The following ZMYND11 variants were observed in gnomAD, a reference collection of about 807,000 sequenced individuals.
ZMYND11 encodes the protein zinc finger MYND-type containing 11.
ZMYND11 carries 9 observed loss-of-function variants against 84.9 expected under a neutral mutation model. That is an observed-to-expected ratio of 0.11 (90% CI 0.06 to 0.18). The LOEUF (loss-of-function observed/expected upper bound fraction) is 0.18, where lower values mean the gene tolerates loss of function less well. ZMYND11 is among the 10% of genes least tolerant of loss of function. ZMYND11 has a pLI of 1.00. For missense variants in ZMYND11, 409 were observed against 761.0 expected, an observed-to-expected ratio of 0.54 and a Z score of 5.44; for synonymous variants, 250 against 244.1, an observed-to-expected ratio of 1.02 and a Z score of -0.23.
intron 2 of ZMYND11, among the ~76,000 whole-genome samples, chr10:207,491 C>T (rs1471515862): frequency 1.3e-5 from 2 of 152,200 alleles, no homozygotes; most frequent in South Asian, 2.1e-4. Flanking sequence ...CACATCCTCT[C>T]CAGCACCTGT....
At chr10:151,230 G>T (rs1840274596) in intron 1 of ZMYND11, among the ~76,000 whole-genome samples, 1 of 152,188 alleles carries the variant, frequency 6.6e-6, no homozygotes, top group Non-Finnish European at 1.5e-5. Flanking sequence ...ACTTTCACGA[G>T]TTGAGAGAAG....
intron 1 of ZMYND11, among the ~76,000 whole-genome samples, chr10:170,410 CTG>C (rs1192480043): frequency 3.5e-4 from 49 of 139,848 alleles, no homozygotes; most frequent in Admixed American, 1.9e-3. Context: ...ATAATAGTAA[CTG>C]TGTATTTGAT....
chr10:134,908 A>ACGGCTC (rs1482508327), upstream of ZMYND11: 1 of 150,950 alleles, frequency 6.6e-6, no homozygotes, highest in East Asian at 1.9e-4. Flanking sequence ...AGCCGCGTGC[A>ACGGCTC]CGGCTCCGGC....
chr10:215,888 C>T (rs547017634), intron 3 of ZMYND11, among the ~76,000 whole-genome samples: 2 of 152,186 alleles, frequency 1.3e-5, no homozygotes, highest in Admixed American at 6.5e-5. Flanking sequence ...AATTCTGTGT[C>T]TTTTGCTTTT....
At chr10:226,338 C>G (rs1398541353) in intron 4 of ZMYND11, among the ~76,000 whole-genome samples, 1 of 152,116 alleles carries the variant, frequency 6.6e-6, no homozygotes, top group African/African-American at 2.4e-5. Context: ...AGTCTGTCAG[C>G]AGAATAGCTT....
At chr10:225,182 A>ATGGGATTTTTAGGTTTAAAGGATAG (rs1947888537) in intron 4 of ZMYND11, among the ~76,000 whole-genome samples, 1 of 152,208 alleles carries the variant, frequency 6.6e-6, no homozygotes, top group South Asian at 2.1e-4. Context: ...GTTTATTAAC[A>ATGGGATTTTTAGGTTTAAAGGATAG]TGGGATTTTT....
chr10:162,679 A>G (rs1284362206), intron 1 of ZMYND11, among the ~76,000 whole-genome samples: 1 of 152,102 alleles, frequency 6.6e-6, no homozygotes, highest in African/African-American at 2.4e-5. Context: ...TTGAACCATC[A>G]TTGCCTTTCT....
chr10:241,113 AAAGT>A (rs1185216690), intron 9 of ZMYND11, 143 bp downstream of exon 9: 1 of 560,778 alleles, frequency 1.8e-6, no homozygotes, highest in Non-Finnish European at 3.1e-6. Flanking sequence ...CAACTGAAAA[AAAGT>A]AACAGGGCTT....
chr10:252,480 T>C lies in ZMYND11; in HGVS notation c.*10T>C, dbSNP rs1256526042. On this transcript the variant is annotated 3_prime_UTR_variant, in exon 15 of 15. Coordinates refer to ENST00000381604, the MANE Select transcript of ZMYND11 (RefSeq NM_001370100.5). The surrounding 1 kb of genome is among the most constrained non-coding windows in gnomAD (Gnocchi z 4.6). ...CCGCCGGAAAAGATGAAGCTGGCCC[T>C]TCCCGGAGTCACCCCGATGATTACT... is the stretch of plus-strand genomic sequence containing the variant. 1 of 1,607,512 alleles carries C rather than the reference T, an allele frequency of 6.2e-7. No individual in the cohort carries two copies. The highest frequency in any genetic ancestry group is 8.5e-7 in the Non-Finnish European group (1 of 1,178,784).
intron 1 of ZMYND11, among the ~76,000 whole-genome samples, chr10:179,108 GAGAGATGTTTC>G (rs1847286868): frequency 6.6e-6 from 1 of 152,180 alleles, no homozygotes; most frequent in Non-Finnish European, 1.5e-5. Flanking sequence ...GTATGATCTA[GAGAGATGTTTC>G]AGTGCGTCCC....
chr10:195,060 A>G (rs1002053818), intron 2 of ZMYND11, among the ~76,000 whole-genome samples: 3 of 152,314 alleles, frequency 2.0e-5, no homozygotes, highest in East Asian at 1.9e-4. Flanking sequence ...TTTATGAGAC[A>G]TCGTGTATAC....
At chr10:136,206 C>T (rs1297260099) in intron 1 of ZMYND11, among the ~76,000 whole-genome samples, 1 of 152,214 alleles carries the variant, frequency 6.6e-6, no homozygotes, top group East Asian at 1.9e-4. Context: ...CCCAGAGCTC[C>T]GGGGAGAAGC....
Position 135,605 on chromosome 10 carries a change from C to T in ZMYND11, c.-20+46C>T, listed in dbSNP as rs1835772687. ...GGGCGGCGGGGCGGGCGGGGGCGTC[C>T]GTGGAGATGGCGCGGCCCGCGCGGT... On this transcript the variant is annotated intron_variant, in intron 1 of 14. Transcript: ENST00000381604. This position sits in a 1 kb window ranked among gnomAD's most constrained non-coding sequence, Gnocchi z 5.6. 1 of 149,182 alleles carries T rather than the reference C, an allele frequency of 6.7e-6. No individual in the cohort carries two copies. The allele number at this position is 149,182 out of a possible 1,614,324, so 9.2% of individuals were successfully genotyped here.
chr10:191,321 T>C (rs1005832039), intron 2 of ZMYND11, among the ~76,000 whole-genome samples: 1 of 152,202 alleles, frequency 6.6e-6, no homozygotes, highest in Non-Finnish European at 1.5e-5. Flanking sequence ...AATGTTTCCT[T>C]CCGGCATTTT....
chr10:143,495 A>C (rs984107235), intron 1 of ZMYND11, among the ~76,000 whole-genome samples: 1 of 152,202 alleles, frequency 6.6e-6, no homozygotes, highest in Non-Finnish European at 1.5e-5. Context: ...AATATAAAAT[A>C]TACCTACTTT....
chr10:177,094 C>T (rs1485094620), intron 1 of ZMYND11, among the ~76,000 whole-genome samples: 5 of 152,000 alleles, frequency 3.3e-5, no homozygotes, highest in Admixed American at 1.3e-4. Flanking sequence ...GATTTTTGTC[C>T]GTTTTGCTTA....
chr10:239,986 A>C, intron 7 of ZMYND11, 70 bp from the exon 8 acceptor site: 1 of 1,362,582 alleles, frequency 7.3e-7, no homozygotes, highest in Non-Finnish European at 1.0e-6. Flanking sequence ...AACTGAAAGA[A>C]AAGGATAGTA....
upstream of ZMYND11, chr10:135,133 C>G (rs1243593068): frequency 1.3e-5 from 2 of 149,296 alleles, no homozygotes; most frequent in African/African-American, 2.4e-5. This position sits in a 1 kb window ranked among gnomAD's most constrained non-coding sequence, Gnocchi z 5.6. Context: ...CCAACTTTCC[C>G]GGGCGGCGGC....
intron 3 of ZMYND11, 151 bp downstream of exon 3, chr10:210,199 T>A: frequency 6.4e-6 from 5 of 781,388 alleles, no homozygotes; most frequent in Non-Finnish European, 9.9e-6. Context: ...GTAGTATGGA[T>A]ACTTTCCTTA....
Sources: allele counts gnomAD v4.1 joint callset (sites outside exome capture counted in the v4.1 genomes callset), GRCh38; gene constraint gnomAD v4.1.1; non-coding constraint Gnocchi (gnomAD v3.1); transcripts MANE v1.5; gene names NCBI Gene and HGNC (gene_info 2026-07-23, HGNC 2026-07-21).